Variants in PRLHR observed in about 807,000 individuals in gnomAD.
The protein encoded by PRLHR is prolactin releasing hormone receptor, also known as prolactin-releasing peptide receptor.
Under a neutral mutation model 9.3 loss-of-function variants are expected in PRLHR, and 10 were observed. That is an observed-to-expected ratio of 1.08 (90% CI 0.66 to 1.82). The LOEUF is 1.82. Among genes scored for constraint, PRLHR ranks in the 40% most tolerant of loss-of-function variants. PRLHR has a pLI of 0.00. For synonymous variants in PRLHR, 261 were observed against 249.3 expected, an observed-to-expected ratio of 1.05 and a Z score of -0.44; for missense variants, 589 against 512.0, an observed-to-expected ratio of 1.15 and a Z score of -1.45.
Position 118,594,912 on chromosome 10 carries a change from G to T in PRLHR, c.333C>A (p.Thr111=), listed in dbSNP as rs775506369. ...NLALSDVLMC[T]ACVPLTLAYA... Reference sequence around the variant, plus strand: ...AGGCCAGCGTGAGCGGCACGCAGGCGGTGCACATGAGCACGTCGGACAAGG... The same window carrying T: ...AGGCCAGCGTGAGCGGCACGCAGGCTGTGCACATGAGCACGTCGGACAAGG... The change falls in exon 2 of 2, where the codon ACC becomes ACA. Residue 111 remains threonine (T), a synonymous_variant. Transcript: ENST00000239032. 31 of 1,613,388 alleles carry T rather than the reference G, an allele frequency of 1.9e-5. No individual in the cohort carries two copies. In the South Asian group the frequency reaches 2.2e-4, roughly 11 times the overall value.
At position 118,594,354 on chromosome 10, in the gene PRLHR, G is replaced by A. The variant is rs1844462302; in HGVS notation, c.891C>T (p.Phe297=). The A allele has an allele frequency of 6.2e-7, 1 of 1,600,634 alleles. No homozygotes were observed. Among genetic ancestry groups the A allele is most frequent in the Non-Finnish European group, 8.5e-7 (1 of 1,179,452 alleles). ...FAVCWLPLHV[F]NLLRDLDPHA... ...GGGGGTCGAGGTCCCGCAGCAGGTT[G>A]AAGACGTGCAGCGGCAGCCAGCAGA... is the stretch of plus-strand genomic sequence containing the variant. Residue 297 remains phenylalanine, a synonymous_variant, in exon 2 of 2, where the codon TTC becomes TTT. Coordinates refer to ENST00000239032, the MANE Select transcript of PRLHR (RefSeq NM_004248.3).
At position 118,594,217 on chromosome 10, in the gene PRLHR, C is replaced by T. The variant is rs758361430; in HGVS notation, c.1028G>A (p.Arg343His). Residue 343 changes from arginine (R) to histidine (H), a missense_variant, in exon 2 of 2, where the codon CGC becomes CAC. Coordinates refer to ENST00000239032, the MANE Select transcript of PRLHR (RefSeq NM_004248.3). ...FIYAWLHDSF[R>H]EELRKLLVAW... ...GACCAACAGTTTGCGCAGCTCCTCG[C>T]GGAAGCTGTCGTGCAGCCAGGCGTA... 14 of 1,588,424 alleles carry T rather than the reference C, an allele frequency of 8.8e-6. No individual in the cohort carries two copies. Among genetic ancestry groups the T allele is most frequent in the Admixed American group, 1.7e-5 (1 of 57,406 alleles).
At position 118,593,741 on chromosome 10, in the gene PRLHR, AT is replaced by A. The variant is rs1844452733; in HGVS notation, c.*390del. The A allele has an allele frequency of 6.3e-6, 1 of 158,002 alleles. No individual in the cohort carries two copies. Among genetic ancestry groups the A allele is most frequent in the Admixed American group, 6.4e-5 (1 of 15,546 alleles). 9.8% of individuals were successfully genotyped at this position (158,002 alleles called of 1,614,324 possible). On this transcript the variant is annotated 3_prime_UTR_variant, in exon 2 of 2. Transcript: ENST00000239032. ...TGAAAATCTTTACCAAGCCCAATGC[AT>A]TCCTTTTAAATCCCATTCATATTGT...
rs753537922 is a variant in PRLHR at position 118,594,138 on chromosome 10, G to T, written c.1107C>A (p.Val369=). The T allele has an allele frequency of 6.6e-6, 10 of 1,520,924 alleles. No individual in the cohort carries two copies. The highest frequency in any genetic ancestry group is 3.9e-5 in the South Asian group (3 of 76,928). The allele number at this position is 1,520,924 out of a possible 1,614,324, so 94.2% of individuals were successfully genotyped here. A position where few individuals can be genotyped will look rare whatever the true frequency, so the allele number is the denominator to read the frequency against. Residue 369 remains valine (V), a synonymous_variant, in exon 2 of 2, where the codon GTC becomes GTA. Coordinates refer to ENST00000239032, the MANE Select transcript of PRLHR (RefSeq NM_004248.3). ...AAGGCCTGGCTAAGTGGCATCAGAT[G>T]ACCACGCTGACGGTCATATTCTGGC... ...PHGQNMTVSV[V]I
rs761688905 is a variant in PRLHR, at chr10:118,594,436, C to A, written c.809G>T (p.Arg270Leu). Residue 270 changes from arginine (R) to leucine (L), a missense_variant, in exon 2 of 2, where the codon CGC (arginine) becomes CTC (leucine). Arg to Leu is a moderately radical substitution (Grantham distance 102, BLOSUM62 -2). Coordinates refer to ENST00000239032, the MANE Select transcript of PRLHR (RefSeq NM_004248.3). ...CVTQSQADWDRARRRRTFCLL... is the reference protein window; with the variant it reads ...CVTQSQADWDLARRRRTFCLL... The stretch of plus-strand genomic sequence containing the variant: ...GCAGAAGGTGCGCCGGCGCCGAGCG[C>A]GGTCCCAGTCGGCCTGGCTCTGGGT... 21 of 1,601,096 alleles carry A rather than the reference C, an allele frequency of 1.3e-5. No homozygotes were observed. In the South Asian group the frequency reaches 2.0e-4, roughly 15 times the overall value.
Position 118,594,916 on chromosome 10 carries a change from C to T in PRLHR, c.329G>A (p.Cys110Tyr), listed in dbSNP as rs1304742220. The part of the protein sequence containing the change: ...GNLALSDVLM[C>Y]TACVPLTLAY... ...CAGCGTGAGCGGCACGCAGGCGGTG[C>T]ACATGAGCACGTCGGACAAGGCCAG... Residue 110 changes from cysteine to tyrosine, a missense_variant, in exon 2 of 2, where the codon TGC becomes TAC. By Grantham distance (194) the Cys-to-Tyr change is radical. Transcript: ENST00000239032. The T allele has an allele frequency of 5.6e-6, 9 of 1,613,566 alleles. No individual in the cohort carries two copies. The highest frequency in any genetic ancestry group is 3.3e-5 in the Admixed American group (2 of 60,012).
In PRLHR at chr10:118,594,762, G is replaced by T. The variant is rs745837923; in HGVS notation, c.483C>A (p.Val161=). 1.9e-6 allele frequency: 3 copies of T among 1,609,856 alleles called. No homozygotes were observed. The highest frequency in any genetic ancestry group is 3.3e-4 in the Middle Eastern group (2 of 6,078). ...TLTTIAVDRY[V]VLVHPLRRRI... ...GCCGCCTCAGCGGGTGCACCAGCAC[G>T]ACGTAGCGGTCCACTGCGATGGTGG... Residue 161 remains valine, a synonymous_variant, in exon 2 of 2, where the codon GTC becomes GTA. Transcript: ENST00000239032.
At position 118,594,252 on chromosome 10, in the gene PRLHR, G is replaced by A; in HGVS notation, c.993C>T (p.Asn331=). The change falls in exon 2 of 2, where the codon AAC becomes AAT. Residue 331 remains asparagine, a synonymous_variant. Transcript: ENST00000239032. ...HWLAMSSACY[N]PFIYAWLHDS... ...CGTGCAGCCAGGCGTAGATGAAGGG[G>A]TTGTAGCAGGCCGAACTCATGGCGA... The A allele has an allele frequency of 1.9e-6, 3 of 1,605,364 alleles. No individual in the cohort carries two copies. Among genetic ancestry groups the A allele is most frequent in the Non-Finnish European group, 2.6e-6 (3 of 1,176,172 alleles).
Position 118,594,338 on chromosome 10 carries a change from G to A in PRLHR, c.907C>T (p.Leu303Phe), listed in dbSNP as rs1374992226. The A allele has an allele frequency of 1.2e-6, 2 of 1,600,406 alleles. No individual in the cohort carries two copies. Among genetic ancestry groups the A allele is most frequent in the South Asian group, 1.1e-5 (1 of 90,936 alleles). ...PLHVFNLLRD[L>F]DPHAIDPYAF... ...TAAGGGTCGATGGCGTGGGGGTCGAGGTCCCGCAGCAGGTTGAAGACGTGC... is the reference window on the plus strand; with the variant it reads ...TAAGGGTCGATGGCGTGGGGGTCGAAGTCCCGCAGCAGGTTGAAGACGTGC... The change falls in exon 2 of 2, where the codon CTC (leucine) becomes TTC (phenylalanine). Residue 303 changes from leucine to phenylalanine, a missense_variant. Coordinates refer to ENST00000239032, the MANE Select transcript of PRLHR (RefSeq NM_004248.3).
In PRLHR at chr10:118,590,908, T is replaced by C. The variant is rs1351518515; in HGVS notation, c.*3224A>G. The C allele has an allele frequency of 6.6e-6, 1 of 152,218 alleles. No individual in the cohort carries two copies. The highest frequency in any genetic ancestry group is 1.5e-5 in the Non-Finnish European group (1 of 68,040). The allele number at this position is 152,218 out of a possible 1,614,324, so 9.4% of individuals were successfully genotyped here. A position where few individuals can be genotyped will look rare whatever the true frequency, so the allele number is the denominator to read the frequency against. On this transcript the variant is annotated 3_prime_UTR_variant, in exon 2 of 2. Coordinates refer to ENST00000239032, the MANE Select transcript of PRLHR (RefSeq NM_004248.3). ...CTCTTTAAGCTCTTTATAAAGTCCA[T>C]GTAAGTGTTTCAAACTTAAGTTGTA...
chr10:118,594,635 T>C lies in PRLHR; in HGVS notation c.610A>G (p.Lys204Glu). 6.3e-7 allele frequency: 1 copy of C among 1,583,272 alleles called. No individual in the cohort carries two copies. Among genetic ancestry groups the C allele is most frequent in the Non-Finnish European group, 8.6e-7 (1 of 1,167,212 alleles). The change falls in exon 2 of 2, where the codon AAG becomes GAG. Residue 204 changes from lysine to glutamate, a missense_variant. Coordinates refer to ENST00000239032, the MANE Select transcript of PRLHR (RefSeq NM_004248.3). ...AAVHTYHVEL[K>E]PHDVRLCEEF... ...TCGCAGAGGCGCACGTCGTGCGGCT[T>C]GAGCTCCACGTGATAGGTGTGCACG... is the stretch of plus-strand genomic sequence containing the variant.
Position 118,590,086 on chromosome 10 carries a change from A to G in PRLHR, c.*4046T>C, listed in dbSNP as rs1311303193. On this transcript the variant is annotated 3_prime_UTR_variant, in exon 2 of 2. Coordinates refer to ENST00000239032, the MANE Select transcript of PRLHR (RefSeq NM_004248.3). ...AGCTTCACATGTGATTCAGCAACAC[A>G]TGCATTTTACACACATAGCAAAGAC... 4 of 152,226 alleles carry G rather than the reference A, an allele frequency of 2.6e-5. No individual in the cohort carries two copies. Among genetic ancestry groups the G allele is most frequent in the East Asian group, 1.9e-4 (1 of 5,200 alleles). The allele number at this position is 152,226 out of a possible 1,614,324, so 9.4% of individuals were successfully genotyped here.
rs1844460395 is a variant in PRLHR, at chr10:118,594,290, G to A, written c.955C>T (p.Leu319Phe). 6.2e-7 allele frequency: 1 copy of A among 1,604,138 alleles called. No individual in the cohort carries two copies. The highest frequency in any genetic ancestry group is 8.5e-7 in the Non-Finnish European group (1 of 1,177,184). ...GAACTCATGGCGAGCCAGTGGCAGAGCAGCTGCACCAGCCCAAAGGCGTAA... is the reference window on the plus strand; with the variant it reads ...GAACTCATGGCGAGCCAGTGGCAGAACAGCTGCACCAGCCCAAAGGCGTAA... ...DPYAFGLVQL[L>F]CHWLAMSSAC... The change falls in exon 2 of 2, where the codon CTC becomes TTC. Residue 319 changes from leucine (L) to phenylalanine (F), a missense_variant. Transcript: ENST00000239032.
In PRLHR at chr10:118,594,850, C is replaced by T. The variant is rs1432394858; in HGVS notation, c.395G>A (p.Gly132Asp). ...CAGGAAGAAGACCAGGTGGCACAGG[C>T]CGCCGCCGAACACCCAGCCGCGTGG... is the stretch of plus-strand genomic sequence containing the variant. ...FEPRGWVFGGGLCHLVFFLQP... is the reference protein window; with the variant it reads ...FEPRGWVFGGDLCHLVFFLQP... Residue 132 changes from glycine to aspartate, a missense_variant, in exon 2 of 2, where the codon GGC becomes GAC. Physicochemically the swap from Gly to Asp is moderately conservative, Grantham distance 94. Coordinates refer to ENST00000239032, the MANE Select transcript of PRLHR (RefSeq NM_004248.3). The T allele has an allele frequency of 6.2e-7, 1 of 1,613,100 alleles. No individual in the cohort carries two copies. Among genetic ancestry groups the T allele is most frequent in the African/African-American group, 1.3e-5 (1 of 75,074 alleles).
rs1452404524 is a variant in PRLHR at position 118,594,901 on chromosome 10, G to C, written c.344C>G (p.Pro115Arg). The change falls in exon 2 of 2, where the codon CCG becomes CGG. Residue 115 changes from proline (P) to arginine (R), a missense_variant. Coordinates refer to ENST00000239032, the MANE Select transcript of PRLHR (RefSeq NM_004248.3). ...CTCGAAGGCATAGGCCAGCGTGAGC[G>C]GCACGCAGGCGGTGCACATGAGCAC... ...SDVLMCTACV[P>R]LTLAYAFEPR... 3.7e-6 allele frequency: 6 copies of C among 1,613,432 alleles called. No homozygotes were observed. The highest frequency in any genetic ancestry group is 1.6e-4 in the Middle Eastern group (1 of 6,062).
rs1017571203 is a variant in PRLHR, at chr10:118,590,558, C to T, written c.*3574G>A. The T allele has an allele frequency of 6.6e-6, 1 of 152,192 alleles. No individual in the cohort carries two copies. Among genetic ancestry groups the T allele is most frequent in the African/African-American group, 2.4e-5 (1 of 41,442 alleles). The allele number at this position is 152,192 out of a possible 1,614,324, so 9.4% of individuals were successfully genotyped here. A position where few individuals can be genotyped will look rare whatever the true frequency, so the allele number is the denominator to read the frequency against. On this transcript the variant is annotated 3_prime_UTR_variant, in exon 2 of 2. Coordinates refer to ENST00000239032, the MANE Select transcript of PRLHR (RefSeq NM_004248.3). ...AAAGCTTGCAAAGAGGATTACAGAA[C>T]CTCCCATCAGCCTTGAGAAGGGCTG...
rs1278338659 is a variant in PRLHR, at chr10:118,594,594, G to A, written c.651C>T (p.Ser217=). 6.4e-7 allele frequency: 1 copy of A among 1,564,566 alleles called. No homozygotes were observed. Among genetic ancestry groups the A allele is most frequent in the Non-Finnish European group, 8.7e-7 (1 of 1,155,216 alleles). The part of the protein sequence containing the change: ...DVRLCEEFWG[S]QERQRQLYAW... ...CGTAGAGCTGGCGCTGGCGCTCCTGGGAGCCCCAGAACTCCTCGCAGAGGC... is the reference window on the plus strand; with the variant it reads ...CGTAGAGCTGGCGCTGGCGCTCCTGAGAGCCCCAGAACTCCTCGCAGAGGC... The change falls in exon 2 of 2, where the codon TCC becomes TCT. Residue 217 remains serine (S), a synonymous_variant. Coordinates refer to ENST00000239032, the MANE Select transcript of PRLHR (RefSeq NM_004248.3).
chr10:118,594,384 G>A lies in PRLHR; in HGVS notation c.861C>T (p.Phe287=), dbSNP rs530000524. The change falls in exon 2 of 2, where the codon TTC becomes TTT. Residue 287 remains phenylalanine, a synonymous_variant. Coordinates refer to ENST00000239032, the MANE Select transcript of PRLHR (RefSeq NM_004248.3). The part of the protein sequence containing the change: ...FCLLVVIVVV[F]AVCWLPLHVF... ...CGTGCAGCGGCAGCCAGCAGACGGC[G>A]AACACCACCACGATCACCACCAGCA... 69 of 1,600,018 alleles carry A rather than the reference G, an allele frequency of 4.3e-5. 2 individuals are homozygous for A. In the South Asian group the frequency reaches 7.0e-4, roughly 16 times the overall value.
rs1844432174 is a variant in PRLHR, at chr10:118,591,516, T to A, written c.*2616A>T. On this transcript the variant is annotated 3_prime_UTR_variant, in exon 2 of 2. Coordinates refer to ENST00000239032, the MANE Select transcript of PRLHR (RefSeq NM_004248.3). ...AAACTGTTGAACGAATCCCTATATA[T>A]TCTGATTTCAATAATTTGCCTCTTT... is the stretch of plus-strand genomic sequence containing the variant. 6.6e-6 allele frequency: 1 copy of A among 152,194 alleles called. No homozygotes were observed. The highest frequency in any genetic ancestry group is 1.5e-5 in the Non-Finnish European group (1 of 68,034). 9.4% of individuals were successfully genotyped at this position (152,194 alleles called of 1,614,324 possible). A position where few individuals can be genotyped will look rare whatever the true frequency, so the allele number is the denominator to read the frequency against.
Sources: gnomAD v4.1 joint callset for allele counts on GRCh38, gnomAD v4.1.1 for gene constraint, MANE v1.5 for transcripts, NCBI Gene and HGNC (gene_info 2026-07-23, HGNC 2026-07-21) for gene names.